MGAT4C: variants seen among roughly 807,000 people sequenced by gnomAD.
MGAT4C encodes the protein alpha-1,3-mannosyl-glycoprotein 4-beta-N-acetylglucosaminyltransferase C.
In MGAT4C, 19 loss-of-function variants were observed where a neutral mutation model predicts 40.1. The ratio of observed to expected loss-of-function variants is 0.47; its 90% CI spans 0.33 to 0.70. The LOEUF is 0.70. Among genes scored for constraint, MGAT4C ranks in the 30% least tolerant of loss-of-function variants. The probability of loss-of-function intolerance (pLI) is 0.02; values close to 1 mark genes in which losing one functional copy is unlikely to be tolerated. For synonymous variants in MGAT4C, 181 were observed against 187.1 expected (o/e 0.97, Z 0.27); for missense variants, 491 against 563.2 (o/e 0.87, Z 1.30).
At chr12:86,239,502 T>C (rs1951690577) in intron 1 of MGAT4C, among the ~76,000 whole-genome samples, 1 of 152,106 alleles carries the variant, frequency 6.6e-6, no homozygotes, top group African/African-American at 2.4e-5. Context: ...AAAATTAATA[T>C]GTATTCATTT....
intron 1 of MGAT4C, among the ~76,000 whole-genome samples, chr12:86,148,432 T>C (rs74961227): frequency 0.016 from 2,472 of 152,326 alleles, 23 homozygotes; most frequent in Non-Finnish European, 0.024. Flanking sequence ...TTACCCTGAT[T>C]GGCCACTTGC....
intron 2 of MGAT4C, among the ~76,000 whole-genome samples, chr12:86,449,122 C>A (rs1957384097): frequency 1.3e-5 from 2 of 152,034 alleles, no homozygotes; most frequent in Admixed American, 1.3e-4. Context: ...TTGGGGGCTA[C>A]AAAACGTTTA....
intron 2 of MGAT4C, among the ~76,000 whole-genome samples, chr12:85,996,639 G>A (rs10779225): frequency 0.26 from 38,870 of 151,952 alleles, 5,649 homozygotes; most frequent in Non-Finnish European, 0.33. Flanking sequence ...GCTGGACTGG[G>A]TATATTAATA....
At chr12:86,803,929 T>G (rs28791309) in intron 1 of MGAT4C, among the ~76,000 whole-genome samples, 1,980 of 142,964 alleles carry the variant, frequency 0.014, 13 homozygotes, top group African/African-American at 0.019. Flanking sequence ...TATACCCAAA[T>G]GACTATAAAT....
chr12:86,209,886 C>A (rs1183485730), intron 1 of MGAT4C, among the ~76,000 whole-genome samples: 6 of 152,048 alleles, frequency 3.9e-5, no homozygotes, highest in Non-Finnish European at 8.8e-5. Context: ...AAAAACAACC[C>A]CTTAGGTAAA....
chr12:86,775,903 TTA>T (rs757383381), intron 1 of MGAT4C, among the ~76,000 whole-genome samples: 4 of 151,838 alleles, frequency 2.6e-5, no homozygotes, highest in Non-Finnish European at 4.4e-5. Flanking sequence ...TCATAGGATT[TTA>T]TTTTTTTCCT....
At chr12:86,113,668 T>A (rs138449709) in intron 1 of MGAT4C, among the ~76,000 whole-genome samples, 51 of 151,944 alleles carry the variant, frequency 3.4e-4, no homozygotes, top group African/African-American at 1.2e-3. Flanking sequence ...AAAAACTAGA[T>A]GTATCCTTGT....
chr12:86,199,281 T>C (rs1290115196), intron 1 of MGAT4C, among the ~76,000 whole-genome samples: 1 of 152,066 alleles, frequency 6.6e-6, no homozygotes, highest in Non-Finnish European at 1.5e-5. Flanking sequence ...TGAAGGCTTA[T>C]GGCAGAGGCA....
intron 1 of MGAT4C, among the ~76,000 whole-genome samples, chr12:86,140,431 T>C (rs534414047): frequency 1.2e-4 from 18 of 152,170 alleles, no homozygotes; most frequent in Admixed American, 7.2e-4. Flanking sequence ...CTCACCACAT[T>C]ATCTCCTATA....
chr12:86,566,584 A>AT (rs1248969640), intron 2 of MGAT4C, among the ~76,000 whole-genome samples: 9 of 137,064 alleles, frequency 6.6e-5, no homozygotes, highest in Non-Finnish European at 1.4e-4. Context: ...ATGTATATGT[A>AT]TATATATGTA....
chr12:86,822,335 T>C (rs887800861), intron 1 of MGAT4C, among the ~76,000 whole-genome samples: 6 of 151,150 alleles, frequency 4.0e-5, no homozygotes, highest in African/African-American at 2.4e-5. Flanking sequence ...AAAATGGCAG[T>C]AGGAAATCTT....
chr12:86,510,818 C>A (rs574934329), intron 2 of MGAT4C, among the ~76,000 whole-genome samples: 1 of 152,140 alleles, frequency 6.6e-6, no homozygotes, highest in Non-Finnish European at 1.5e-5. Flanking sequence ...GCACCCAATA[C>A]AGGAGCACCC....
Position 86,305,346 on chromosome 12 carries a change from G to A in MGAT4C, c.-57+28719C>T, listed in dbSNP as rs765855016. 6.0e-5 allele frequency among the ~76,000 whole-genome samples: 9 copies of A among 149,634 alleles called. 1 individual carries two copies. Among genetic ancestry groups the A allele is most frequent in the Non-Finnish European group, 1.0e-4 (7 of 68,010 alleles). ...CCCAGCTACAAGGGAGGCTGAAGCAGGAGAATCCCTTGAACTGAGGAGGCA... is the reference window on the plus strand; with the variant it reads ...CCCAGCTACAAGGGAGGCTGAAGCAAGAGAATCCCTTGAACTGAGGAGGCA... On this transcript the variant is annotated intron_variant, in intron 4 of 7. Transcript: ENST00000548651.
intron 2 of MGAT4C, among the ~76,000 whole-genome samples, chr12:86,556,208 A>T (rs1214995205): frequency 6.6e-6 from 1 of 152,210 alleles, no homozygotes; most frequent in Non-Finnish European, 1.5e-5. Flanking sequence ...ATACTTAAAG[A>T]TGAGGGGTAA....
At chr12:86,751,361 C>A (rs1951229201) in intron 1 of MGAT4C, among the ~76,000 whole-genome samples, 1 of 151,936 alleles carries the variant, frequency 6.6e-6, no homozygotes, top group Non-Finnish European at 1.5e-5. Flanking sequence ...GAGAATACTG[C>A]TGTACTTTTA....
chr12:86,739,302 T>C (rs953197017), intron 1 of MGAT4C, among the ~76,000 whole-genome samples: 8 of 126,452 alleles, frequency 6.3e-5, no homozygotes, highest in Admixed American at 6.0e-4. Flanking sequence ...TACAAGTCTA[T>C]ATTTTATTCA....
intron 1 of MGAT4C, among the ~76,000 whole-genome samples, chr12:86,816,253 A>C (rs1312089477): frequency 3.3e-5 from 5 of 151,830 alleles, no homozygotes; most frequent in Admixed American, 6.6e-5. Context: ...ATATATTTTT[A>C]TGTTTTTATT....
chr12:86,103,416 C>CAGA (rs1401493143), intron 1 of MGAT4C, among the ~76,000 whole-genome samples: 1 of 152,062 alleles, frequency 6.6e-6, no homozygotes, highest in Non-Finnish European at 1.5e-5. Flanking sequence ...AGAAAAGGAA[C>CAGA]AGACAATGTG....
At chr12:86,089,190 A>AT (rs1162168065) in intron 1 of MGAT4C, among the ~76,000 whole-genome samples, 2 of 152,010 alleles carry the variant, frequency 1.3e-5, no homozygotes, top group African/African-American at 4.8e-5. Flanking sequence ...GTATAAAGCT[A>AT]TTAGAATTAT....
Sources: allele counts gnomAD v4.1 joint callset (sites outside exome capture counted in the v4.1 genomes callset), GRCh38; gene constraint gnomAD v4.1.1; transcripts MANE v1.5; gene names NCBI Gene and HGNC (gene_info 2026-07-23, HGNC 2026-07-21).